Variants in MBNL3 observed in about 807,000 individuals in gnomAD.
MBNL3 encodes the protein muscleblind like splicing regulator 3, also known as muscleblind-like protein 3.
MBNL3 carries 6 observed loss-of-function variants against 24.5 expected under a neutral mutation model. The observed-to-expected ratio is 0.25, with a 90% CI of 0.13 to 0.48. MBNL3 has a LOEUF of 0.48. MBNL3 is among the 20% of genes least tolerant of loss of function. The pLI, the probability that MBNL3 is intolerant of heterozygous loss-of-function variation, is 0.99. For synonymous variants in MBNL3, 100 were observed against 101.7 expected (o/e 0.98, Z 0.10); for missense variants, 230 against 293.5 (o/e 0.78, Z 1.58).
chrX:132,478,985 C>G (rs1031725356), intron 1 of MBNL3, among the ~76,000 whole-genome samples: 1 of 112,349 alleles, frequency 8.9e-6, no homozygotes, highest in African/African-American at 3.2e-5. Context: ...CACGGTGGCT[C>G]ACGCCTGTAA....
intron 5 of MBNL3, among the ~76,000 whole-genome samples, chrX:132,388,317 A>G (rs759464376): frequency 8.9e-5 from 10 of 112,578 alleles, no homozygotes; most frequent in Non-Finnish European, 1.9e-4. Context: ...AAAGGTCAGT[A>G]CTAAAATCAT....
At chrX:132,486,008 C>G (rs1450545519) in intron 1 of MBNL3, among the ~76,000 whole-genome samples, 1 of 112,132 alleles carries the variant, frequency 8.9e-6, no homozygotes, top group African/African-American at 3.2e-5. Context: ...CTTACAGACA[C>G]TTGATAATGT....
chrX:132,458,174 G>A (rs753005564), intron 1 of MBNL3, among the ~76,000 whole-genome samples: 1 of 111,131 alleles, frequency 9.0e-6, no homozygotes, highest in Non-Finnish European at 1.9e-5. Flanking sequence ...ACTAAATGTT[G>A]AAGGTACAAA....
At chrX:132,409,858 C>T (rs1942473375) in intron 2 of MBNL3, among the ~76,000 whole-genome samples, 1 of 111,787 alleles carries the variant, frequency 8.9e-6, no homozygotes, top group Non-Finnish European at 1.9e-5. Flanking sequence ...TTTTCCATTT[C>T]CTTTTGGACT....
chrX:132,429,090 T>C (rs1944534022), intron 2 of MBNL3, among the ~76,000 whole-genome samples: 1 of 112,381 alleles, frequency 8.9e-6, no homozygotes, highest in Non-Finnish European at 1.9e-5. Flanking sequence ...CCAAGTCTTT[T>C]CTCACCAGAT....
intron 1 of MBNL3, among the ~76,000 whole-genome samples, chrX:132,472,118 T>C (rs1434202665): frequency 8.9e-6 from 1 of 112,255 alleles, no homozygotes; most frequent in Non-Finnish European, 1.9e-5. Context: ...TAGAGTCAGA[T>C]AAATTAGCGC....
intron 1 of MBNL3, among the ~76,000 whole-genome samples, chrX:132,471,098 A>C (rs767200530): frequency 2.7e-5 from 3 of 111,375 alleles, no homozygotes; most frequent in Non-Finnish European, 3.8e-5. Flanking sequence ...ATTAGATGAG[A>C]TAACATGTGC....
At chrX:132,396,360 C>CTATATATATTCA (rs1938341447) in intron 3 of MBNL3, among the ~76,000 whole-genome samples, 1 of 77,643 alleles carries the variant, frequency 1.3e-5, no homozygotes, top group African/African-American at 5.2e-5. Context: ...ATATATATTC[C>CTATATATATTCA]TATATATATT....
At chrX:132,435,173 C>T (rs142348221) in intron 2 of MBNL3, among the ~76,000 whole-genome samples, 1,831 of 111,410 alleles carry the variant, frequency 0.016, 30 homozygotes, top group African/African-American at 0.056. Flanking sequence ...CAATTACTTC[C>T]GCACCAACCT....
chrX:132,444,074 T>C (rs1036575150), intron 1 of MBNL3, among the ~76,000 whole-genome samples: 20 of 100,520 alleles, frequency 2.0e-4, no homozygotes, highest in African/African-American at 6.9e-4. Context: ...TCATGCTTGC[T>C]GACTGGGCCC....
At chrX:132,454,256 C>T (rs1053526161) in intron 1 of MBNL3, among the ~76,000 whole-genome samples, 2 of 111,504 alleles carry the variant, frequency 1.8e-5, no homozygotes, top group Admixed American at 1.9e-4. Context: ...CATACACACA[C>T]ACACACATAT....
At chrX:132,472,530 G>A (rs1947234474) in intron 1 of MBNL3, among the ~76,000 whole-genome samples, 2 of 111,876 alleles carry the variant, frequency 1.8e-5, no homozygotes, top group South Asian at 7.4e-4. Context: ...TTACTGAAAA[G>A]CCATCTTAAG....
intron 1 of MBNL3, among the ~76,000 whole-genome samples, chrX:132,485,766 C>T (rs1255172334): frequency 8.9e-6 from 1 of 112,558 alleles, no homozygotes; most frequent in African/African-American, 3.2e-5. Context: ...AAGTGTCCAT[C>T]TCATTTTAGC....
intron 2 of MBNL3, among the ~76,000 whole-genome samples, chrX:132,415,521 G>A (rs1943211160): frequency 9.0e-6 from 1 of 111,672 alleles, no homozygotes; most frequent in Admixed American, 9.5e-5. Flanking sequence ...ATAAAGGGTA[G>A]ATATGGCTAT....
intron 2 of MBNL3, chrX:132,411,557 T>A: frequency 3.4e-6 from 1 of 292,831 alleles, no homozygotes; most frequent in Non-Finnish European, 4.6e-6. Context: ...AGCAGCTCAG[T>A]AAGCACACAA....
At chrX:132,485,017 T>C (rs1376825646) in intron 1 of MBNL3, among the ~76,000 whole-genome samples, 1 of 110,902 alleles carries the variant, frequency 9.0e-6, no homozygotes, top group Non-Finnish European at 1.9e-5. Flanking sequence ...AAAGCATCTT[T>C]TTATTTTTTA....
At chrX:132,454,786 T>C (rs754566616) in intron 1 of MBNL3, among the ~76,000 whole-genome samples, 1 of 112,423 alleles carries the variant, frequency 8.9e-6, no homozygotes, top group Admixed American at 9.4e-5. Flanking sequence ...CTAGAGTTCA[T>C]TGGAAAGTTG....
chrX:132,402,193 T>C (rs1377536146), intron 3 of MBNL3, among the ~76,000 whole-genome samples: 1 of 112,022 alleles, frequency 8.9e-6, no homozygotes, highest in African/African-American at 3.2e-5. Flanking sequence ...TACACTCTAC[T>C]GAGTCAAGTT....
intron 1 of MBNL3, among the ~76,000 whole-genome samples, chrX:132,469,513 T>C (rs1947061798): frequency 8.9e-6 from 1 of 112,150 alleles, no homozygotes; most frequent in South Asian, 3.7e-4. Flanking sequence ...GATGTGGGTC[T>C]TCAGGTAAGA....
Sources: gnomAD v4.1 joint callset for allele counts (sites outside exome capture counted in the v4.1 genomes callset) on GRCh38, gnomAD v4.1.1 for gene constraint, MANE v1.5 for transcripts, NCBI Gene and HGNC (gene_info 2026-07-23, HGNC 2026-07-21) for gene names.